Variants in VDAC1 observed in about 807,000 individuals in gnomAD.
The protein encoded by VDAC1 is voltage dependent anion channel 1, also known as non-selective voltage-gated ion channel VDAC1.
Under a neutral mutation model 34.7 loss-of-function variants are expected in VDAC1, and 10 were observed. The ratio of observed to expected loss-of-function variants is 0.29; its 90% CI spans 0.18 to 0.49. The LOEUF is 0.49. Ranked by LOEUF, VDAC1 falls within the 20% of genes least tolerant of loss-of-function variation. The probability of loss-of-function intolerance (pLI) is 0.99; values close to 1 mark genes in which losing one functional copy is unlikely to be tolerated. For synonymous variants in VDAC1, 130 were observed against 136.0 expected (o/e 0.96, Z 0.30); for missense variants, 230 against 347.9 (o/e 0.66, Z 2.69).
chr5:133,977,335 T>C (rs550006229), intron 6 of VDAC1, among the ~76,000 whole-genome samples: 1 of 152,212 alleles, frequency 6.6e-6, no homozygotes, highest in Admixed American at 6.5e-5. Flanking sequence ...AGGGAGCTTT[T>C]TGCTACATCA....
chr5:134,039,632 G>C, the VDAC1 span, among the ~76,000 whole-genome samples: 2 of 152,118 alleles, frequency 1.3e-5, no homozygotes, highest in African/African-American at 4.8e-5. Flanking sequence ...CCCGGCAGAC[G>C]TGCGTAATTT....
intron 7 of VDAC1, among the ~76,000 whole-genome samples, chr5:133,974,469 G>T (rs1204791772): frequency 6.6e-6 from 1 of 152,074 alleles, no homozygotes; most frequent in Non-Finnish European, 1.5e-5. Flanking sequence ...CGGGGCGGGG[G>T]GAATTATCAA....
chr5:134,068,845 T>G, the VDAC1 span, among the ~76,000 whole-genome samples: 1 of 152,178 alleles, frequency 6.6e-6, no homozygotes, highest in Non-Finnish European at 1.5e-5. Flanking sequence ...ACTTACTCTA[T>G]CCTCTGTGCA....
At chr5:134,026,091 C>T in the VDAC1 span, among the ~76,000 whole-genome samples, 2 of 152,154 alleles carry the variant, frequency 1.3e-5, no homozygotes, top group Non-Finnish European at 1.5e-5. Context: ...CCCTCACACT[C>T]CCTGCCCTCA....
the VDAC1 span, among the ~76,000 whole-genome samples, chr5:134,113,633 G>A: frequency 1.3e-5 from 2 of 152,254 alleles, no homozygotes; most frequent in Non-Finnish European, 2.9e-5. Context: ...ACTGCATCGC[G>A]ATCCAAAGGA....
chr5:134,032,124 C>CAAAAAA, the VDAC1 span, among the ~76,000 whole-genome samples: 233 of 36,106 alleles, frequency 6.5e-3, 26 homozygotes, highest in African/African-American at 0.015. Flanking sequence ...CTCTGCCTCA[C>CAAAAAA]AAAAAAAAAA....
the VDAC1 span, among the ~76,000 whole-genome samples, chr5:134,112,028 G>T: frequency 6.6e-6 from 1 of 152,164 alleles, no homozygotes; most frequent in Non-Finnish European, 1.5e-5. Flanking sequence ...CAGTATATGA[G>T]GTTGGTCGTT....
At chr5:134,013,430 G>A in the VDAC1 span, among the ~76,000 whole-genome samples, 1 of 152,008 alleles carries the variant, frequency 6.6e-6, no homozygotes, top group African/African-American at 2.4e-5. Flanking sequence ...GTAAGACTGT[G>A]TCTCAAAAAC....
At chr5:134,009,415 T>C (rs952803230), upstream of VDAC1, among the ~76,000 whole-genome samples, 5 of 151,102 alleles carry the variant, frequency 3.3e-5, no homozygotes, top group Non-Finnish European at 7.4e-5. Context: ...CACGACACCA[T>C]GCCCAGCTAA....
In VDAC1 at chr5:133,996,435, T is replaced by C. The variant is rs951340069; in HGVS notation, c.-6-3417A>G. On this transcript the variant is annotated intron_variant, in intron 1 of 8. Transcript: ENST00000265333. ...ATACTGGAAGCACAGAGGGGAAGGA[T>C]AGTGTATCTATCACCCAGCACAGTC... Among the ~76,000 whole-genome samples, 15 of 152,192 alleles carry C rather than the reference T, an allele frequency of 9.9e-5. 1 individual carries two copies. The South Asian group carries it at 1.5e-3, about 15-fold the overall frequency.
chr5:134,050,840 T>G, the VDAC1 span, among the ~76,000 whole-genome samples: 2 of 152,150 alleles, frequency 1.3e-5, no homozygotes, highest in Non-Finnish European at 2.9e-5. Context: ...AAGGTGGGGA[T>G]GGAAGCAGGG....
the VDAC1 span, among the ~76,000 whole-genome samples, chr5:134,072,569 G>C: frequency 4.9e-4 from 74 of 152,296 alleles, no homozygotes; most frequent in African/African-American, 1.6e-3. Context: ...TGAACTGCAG[G>C]GTGACACAGC....
At chr5:134,063,482 G>A in the VDAC1 span, among the ~76,000 whole-genome samples, 11 of 152,266 alleles carry the variant, frequency 7.2e-5, no homozygotes, top group Non-Finnish European at 1.0e-4. Context: ...GTTATAATTT[G>A]GCCAATGAGA....
chr5:133,975,147 A>G (rs1410784517), intron 7 of VDAC1, among the ~76,000 whole-genome samples: 1 of 152,034 alleles, frequency 6.6e-6, no homozygotes, highest in Non-Finnish European at 1.5e-5. Flanking sequence ...GTGTGCCTAT[A>G]GTCCCAGCTA....
the VDAC1 span, among the ~76,000 whole-genome samples, chr5:134,073,000 A>C: frequency 6.6e-6 from 1 of 152,182 alleles, no homozygotes; most frequent in African/African-American, 2.4e-5. Context: ...CGCTCACTGC[A>C]CGGGGGTGGG....
At chr5:134,029,902 A>C in the VDAC1 span, among the ~76,000 whole-genome samples, 3 of 152,222 alleles carry the variant, frequency 2.0e-5, no homozygotes, top group Non-Finnish European at 1.5e-5. Flanking sequence ...ATACACACAC[A>C]TTGTACTAAC....
chr5:134,107,017 A>T, the VDAC1 span, among the ~76,000 whole-genome samples: 1 of 152,082 alleles, frequency 6.6e-6, no homozygotes, highest in Non-Finnish European at 1.5e-5. Flanking sequence ...CTCCAAAAAG[A>T]AGGTGATGTT....
chr5:134,029,222 G>A, the VDAC1 span, among the ~76,000 whole-genome samples: 1 of 152,204 alleles, frequency 6.6e-6, no homozygotes, highest in South Asian at 2.1e-4. Flanking sequence ...GCCTTCAGAT[G>A]GCTGCCCCTG....
rs1314531054 is a variant in VDAC1, at chr5:133,992,361, G to A, written c.68-6C>T. The stretch of plus-strand genomic sequence containing the variant: ...AAGCTTTATTAAGCCAAATCCTAAA[G>A]AAAGAAGAAGACAACTGTCAATAGG... On this transcript the variant is annotated splice_polypyrimidine_tract_variant and splice_region_variant and intron_variant, in intron 2 of 8. Coordinates refer to ENST00000265333, the MANE Select transcript of VDAC1 (RefSeq NM_003374.3). The A allele has an allele frequency of 1.9e-6, 3 of 1,569,388 alleles. No homozygotes were observed. The African/African-American group carries it at 4.2e-5, about 22-fold the overall frequency.
Sources: gnomAD v4.1 joint callset for allele counts (sites outside exome capture counted in the v4.1 genomes callset) on GRCh38, gnomAD v4.1.1 for gene constraint, MANE v1.5 for transcripts, NCBI Gene and HGNC (gene_info 2026-07-23, HGNC 2026-07-21) for gene names.